DGKB: variants seen among roughly 807,000 people sequenced by gnomAD.
DGKB encodes 90 kDa diacylglycerol kinase.
DGKB carries 67 observed loss-of-function variants against 114.3 expected under a neutral mutation model. That is an observed-to-expected ratio of 0.59 (90% CI 0.48 to 0.72). The LOEUF (loss-of-function observed/expected upper bound fraction) is 0.72. Ranked by LOEUF, DGKB falls within the 30% of genes least tolerant of loss-of-function variation. The pLI, the probability that DGKB is intolerant of heterozygous loss-of-function variation, is 0.00. For synonymous variants in DGKB, 398 were observed against 323.1 expected, an observed-to-expected ratio of 1.23 and a Z score of -2.49; for missense variants, 907 against 975.2, an observed-to-expected ratio of 0.93 and a Z score of 0.93.
intron 21 of DGKB, among the ~76,000 whole-genome samples, chr7:14,368,834 G>A (rs908920120): frequency 6.6e-6 from 1 of 152,108 alleles, no homozygotes; most frequent in African/African-American, 2.4e-5. Flanking sequence ...GTAGGCACAG[G>A]AAGAGCCCGG....
intron 21 of DGKB, among the ~76,000 whole-genome samples, chr7:14,414,640 T>C (rs1825423379): frequency 6.6e-6 from 1 of 152,146 alleles, no homozygotes; most frequent in South Asian, 2.1e-4. Flanking sequence ...ATAGGTATGC[T>C]GTAAGAAAAA....
At chr7:14,832,257 T>C (rs1203672851) in intron 2 of DGKB, among the ~76,000 whole-genome samples, 1 of 152,022 alleles carries the variant, frequency 6.6e-6, no homozygotes, top group Admixed American at 6.6e-5. Flanking sequence ...GCAAACTGAA[T>C]AAAACCAAAA....
intron 1 of DGKB, among the ~76,000 whole-genome samples, chr7:14,943,474 A>G (rs1785687397): frequency 6.6e-6 from 1 of 152,150 alleles, no homozygotes; most frequent in Non-Finnish European, 1.5e-5. Flanking sequence ...AAGCTTAAAC[A>G]GACAATTCTG....
chr7:14,503,982 G>A (rs1186238246), intron 20 of DGKB, among the ~76,000 whole-genome samples: 1 of 152,160 alleles, frequency 6.6e-6, no homozygotes, highest in African/African-American at 2.4e-5. Context: ...AAAATGTACT[G>A]TGTAAGCACT....
At chr7:14,246,376 A>G (rs992924880) in intron 23 of DGKB, among the ~76,000 whole-genome samples, 4 of 152,152 alleles carry the variant, frequency 2.6e-5, no homozygotes, top group African/African-American at 7.2e-5. Context: ...ACTTTGCCTA[A>G]TATCACACAG....
intron 1 of DGKB, among the ~76,000 whole-genome samples, chr7:14,968,594 C>T (rs896139131): frequency 3.3e-5 from 5 of 152,156 alleles, no homozygotes; most frequent in African/African-American, 1.2e-4. Flanking sequence ...TTTGAAGGAA[C>T]CTGAGTGTCA....
rs539140555 is a variant in DGKB, at chr7:14,146,465, T to G, written c.*2666A>C. ...GAGGGCGACTCAATAGCTGAAAATTTATCTGCACACATAGAAGAGAAGTTT... is the reference window on the plus strand; with the variant it reads ...GAGGGCGACTCAATAGCTGAAAATTGATCTGCACACATAGAAGAGAAGTTT... On this transcript the variant is annotated 3_prime_UTR_variant, in exon 26 of 26. Coordinates refer to ENST00000402815, the MANE Select transcript of DGKB (RefSeq NM_001350709.2). 1 of 152,334 alleles carries G rather than the reference T, an allele frequency of 6.6e-6. No homozygotes were observed. Among genetic ancestry groups the G allele is most frequent in the Non-Finnish European group, 1.5e-5 (1 of 68,042 alleles). The allele number at this position is 152,334 out of a possible 1,614,324, so 9.4% of individuals were successfully genotyped here.
At chr7:14,534,319 G>A (rs1053759139) in intron 20 of DGKB, among the ~76,000 whole-genome samples, 1 of 151,466 alleles carries the variant, frequency 6.6e-6, no homozygotes, top group Non-Finnish European at 1.5e-5. Flanking sequence ...AAGACAAAGA[G>A]GAAAAAATCA....
chr7:14,701,144 T>C (rs1053325069), intron 7 of DGKB, among the ~76,000 whole-genome samples: 7 of 152,144 alleles, frequency 4.6e-5, no homozygotes, highest in Non-Finnish European at 1.0e-4. Context: ...CAATGTAAAA[T>C]GAATATTAAA....
At chr7:14,632,272 G>A (rs1809869777) in intron 13 of DGKB, among the ~76,000 whole-genome samples, 1 of 151,896 alleles carries the variant, frequency 6.6e-6, no homozygotes, top group Admixed American at 6.6e-5. Flanking sequence ...TTTCTTAGGT[G>A]AGAGTATAAT....
intron 23 of DGKB, among the ~76,000 whole-genome samples, chr7:14,329,878 T>C (rs1441881126): frequency 6.6e-6 from 1 of 152,054 alleles, no homozygotes; most frequent in Non-Finnish European, 1.5e-5. Flanking sequence ...CTGTTTTATA[T>C]GTCTACCACT....
At position 14,148,255 on chromosome 7, in the gene DGKB, T is replaced by C. The variant is rs1183997230; in HGVS notation, c.*876A>G. Reference sequence around the variant, plus strand: ...AAAATTAATCACAGGAACCCTAAATTTGCTCCACAATGCTTAATTAATTAT... The same window carrying C: ...AAAATTAATCACAGGAACCCTAAATCTGCTCCACAATGCTTAATTAATTAT... On this transcript the variant is annotated 3_prime_UTR_variant, in exon 26 of 26. Coordinates refer to ENST00000402815, the MANE Select transcript of DGKB (RefSeq NM_001350709.2). The C allele has an allele frequency of 6.6e-6, 1 of 152,594 alleles. No individual in the cohort carries two copies. Among genetic ancestry groups the C allele is most frequent in the Middle Eastern group, 3.2e-3 (1 of 316 alleles). The allele number at this position is 152,594 out of a possible 1,614,324, so 9.5% of individuals were successfully genotyped here. A position where few individuals can be genotyped will look rare whatever the true frequency, so the allele number is the denominator to read the frequency against.
chr7:14,580,521 C>A (rs189675062), intron 19 of DGKB, among the ~76,000 whole-genome samples: 207 of 152,208 alleles, frequency 1.4e-3, no homozygotes, highest in Non-Finnish European at 2.4e-3. Context: ...TACCTCCCAA[C>A]TTATAAATGA....
chr7:14,586,514 A>C (rs1383865348), intron 17 of DGKB, among the ~76,000 whole-genome samples: 1 of 152,160 alleles, frequency 6.6e-6, no homozygotes, highest in Non-Finnish European at 1.5e-5. Context: ...ATTATTGATA[A>C]AGGTGGTACG....
chr7:14,362,374 A>T (rs1415360470), intron 21 of DGKB, among the ~76,000 whole-genome samples: 1 of 152,120 alleles, frequency 6.6e-6, no homozygotes, highest in African/African-American at 2.4e-5. Flanking sequence ...CAACTTCCCA[A>T]TGAACATAAA....
intron 21 of DGKB, among the ~76,000 whole-genome samples, chr7:14,378,007 C>T (rs1290204930): frequency 6.6e-6 from 1 of 152,152 alleles, no homozygotes; most frequent in East Asian, 1.9e-4. Flanking sequence ...GATCTGCTAG[C>T]CTACTAAAAT....
chr7:14,735,979 C>A, intron 5 of DGKB, 62 bp downstream of exon 5: 1 of 983,928 alleles, frequency 1.0e-6, no homozygotes, highest in South Asian at 2.5e-5. Flanking sequence ...TTTATGATAA[C>A]TAGATATTTA....
At chr7:14,172,930 AGGAGGAAGGATGGG>A (rs770069400) in intron 25 of DGKB, among the ~76,000 whole-genome samples, 3 of 152,086 alleles carry the variant, frequency 2.0e-5, no homozygotes, top group Non-Finnish European at 4.4e-5. Flanking sequence ...CTACATGCTC[AGGAGGAAGGATGGG>A]GGAGGAAGAA....
intron 23 of DGKB, among the ~76,000 whole-genome samples, chr7:14,204,806 T>C (rs115900593): frequency 0.015 from 2,343 of 152,154 alleles, 63 homozygotes; most frequent in African/African-American, 0.054. Context: ...TACGTTCATG[T>C]AGATCAATTC....
Sources: allele counts gnomAD v4.1 joint callset (sites outside exome capture counted in the v4.1 genomes callset), GRCh38; gene constraint gnomAD v4.1.1; transcripts MANE v1.5; gene names NCBI Gene and HGNC (gene_info 2026-07-23, HGNC 2026-07-21).